Variants in ELAPOR2 observed in about 807,000 individuals in gnomAD.
ELAPOR2 encodes endosome/lysosome-associated apoptosis and autophagy regulator family member 2.
In ELAPOR2, 89 loss-of-function variants were observed where a neutral mutation model predicts 120.7. That is an observed-to-expected ratio of 0.74 (90% CI 0.62 to 0.88). The LOEUF (loss-of-function observed/expected upper bound fraction) is 0.88. Among genes scored for constraint, ELAPOR2 ranks in the 40% least tolerant of loss-of-function variants. The pLI is 0.00. For synonymous variants in ELAPOR2, 444 were observed against 444.9 expected (o/e 1.00, Z 0.03); for missense variants, 1,134 against 1,251.6 (o/e 0.91, Z 1.42).
At chr7:87,048,923 T>A (rs1316902582) in intron 1 of ELAPOR2, among the ~76,000 whole-genome samples, 2 of 152,208 alleles carry the variant, frequency 1.3e-5, no homozygotes, top group African/African-American at 4.8e-5. Flanking sequence ...ATCATCTCAA[T>A]TAATTAAAAA....
Position 86,933,549 on chromosome 7 carries a change from TGCCATGACAATG to T in ELAPOR2, c.1089+4565_1089+4576del, listed in dbSNP as rs529712461. ...CCATACTAAGTGGCACTCCCACCAG[TGCCATGACAATG>T]GCCATGACAATGGCCCAAAGAAGCC... On this transcript the variant is annotated intron_variant, in intron 8 of 21. Transcript: ENST00000450689. Among the ~76,000 whole-genome samples the T allele has an allele frequency of 2.2e-4, 33 of 152,012 alleles. No homozygotes were observed. In the East Asian group the frequency reaches 2.5e-3, roughly 12 times the overall value.
intron 1 of ELAPOR2, among the ~76,000 whole-genome samples, chr7:87,047,680 G>A (rs1025738690): frequency 5.7e-4 from 87 of 152,126 alleles, no homozygotes; most frequent in African/African-American, 2.0e-3. Context: ...AACAAATGCT[G>A]GTGAGAATGT....
At chr7:86,946,588 T>C (rs182097190) in intron 3 of ELAPOR2, among the ~76,000 whole-genome samples, 1 of 152,106 alleles carries the variant, frequency 6.6e-6, no homozygotes, top group African/African-American at 2.4e-5. Context: ...GGTTTCTCCA[T>C]GTTGGTCAGG....
At chr7:86,983,837 T>A (rs1792604986) in intron 1 of ELAPOR2, among the ~76,000 whole-genome samples, 1 of 152,108 alleles carries the variant, frequency 6.6e-6, no homozygotes, top group Admixed American at 6.5e-5. Flanking sequence ...CACACAACAA[T>A]ATTAACCTTA....
intron 19 of ELAPOR2, among the ~76,000 whole-genome samples, chr7:86,895,195 T>A (rs181132753): frequency 2.6e-5 from 4 of 152,192 alleles, no homozygotes; most frequent in Admixed American, 2.0e-4. Flanking sequence ...TCCAAAGAAA[T>A]CCACATATAT....
chr7:86,985,120 C>T (rs1008448807), intron 1 of ELAPOR2, among the ~76,000 whole-genome samples: 3 of 152,082 alleles, frequency 2.0e-5, no homozygotes, highest in African/African-American at 7.2e-5. Context: ...ACACACCCTC[C>T]CAAGACAAAA....
rs529617245 is a variant in ELAPOR2, at chr7:86,929,958, C to T, written c.1090-3042G>A. On this transcript the variant is annotated intron_variant, in intron 8 of 21. Transcript: ENST00000450689. ...AAGTTTCCTGAGGTCTTCTCAGCCA[C>T]GTTTCCTGTACAGCCTACAGAATCG... Among the ~76,000 whole-genome samples, 88 of 152,050 alleles carry T rather than the reference C, an allele frequency of 5.8e-4. No individual in the cohort carries two copies. The South Asian group carries it at 0.016, about 28-fold the overall frequency.
At chr7:87,046,210 C>T (rs1276876573) in intron 1 of ELAPOR2, among the ~76,000 whole-genome samples, 1 of 151,960 alleles carries the variant, frequency 6.6e-6, no homozygotes, top group African/African-American at 2.4e-5. Flanking sequence ...TTTACAATAG[C>T]CATGAATAAA....
chr7:86,985,563 CA>C (rs1331804926), intron 1 of ELAPOR2, among the ~76,000 whole-genome samples: 1 of 152,190 alleles, frequency 6.6e-6, no homozygotes, highest in Non-Finnish European at 1.5e-5. Flanking sequence ...TGTAATCCAT[CA>C]CATAAACAGA....
At chr7:86,978,280 T>C (rs1230486732) in intron 1 of ELAPOR2, among the ~76,000 whole-genome samples, 1 of 152,240 alleles carries the variant, frequency 6.6e-6, no homozygotes, top group African/African-American at 2.4e-5. Flanking sequence ...CATGTGGAAC[T>C]GTGAATCAAT....
intron 1 of ELAPOR2, among the ~76,000 whole-genome samples, chr7:86,992,514 A>G (rs1388214688): frequency 6.6e-6 from 1 of 152,260 alleles, no homozygotes; most frequent in Non-Finnish European, 1.5e-5. Flanking sequence ...AGAAATTCCT[A>G]AAACTGAGTT....
At chr7:86,949,557 G>GC in intron 2 of ELAPOR2, among the ~76,000 whole-genome samples, 1 of 152,278 alleles carries the variant, frequency 6.6e-6, no homozygotes, top group East Asian at 1.9e-4. Flanking sequence ...CACAGCTGCA[G>GC]CTACCCAAGC....
chr7:86,880,599 C>T lies in ELAPOR2; in HGVS notation c.3031-69G>A, dbSNP rs74376718. 1,858 of 975,772 alleles carry T rather than the reference C, an allele frequency of 1.9e-3. 32 individuals are homozygous for T. The African/African-American group carries it at 0.028, about 15-fold the overall frequency. The allele number at this position is 975,772 out of a possible 1,614,324, so 60.4% of individuals were successfully genotyped here. A position where few individuals can be genotyped will look rare whatever the true frequency, so the allele number is the denominator to read the frequency against. On this transcript the variant is annotated intron_variant, in intron 21 of 21. Coordinates refer to ENST00000450689, the MANE Select transcript of ELAPOR2 (RefSeq NM_001142749.3). ...CGTAAGATTTTAGGATCTTACATGT[C>T]CAGAAGGAAAGTTCCAGAAATCATT...
chr7:86,997,448 G>A (rs1054777579), intron 1 of ELAPOR2, among the ~76,000 whole-genome samples: 1 of 152,076 alleles, frequency 6.6e-6, no homozygotes, highest in African/African-American at 2.4e-5. Flanking sequence ...GACCTAAAGA[G>A]CCCCAGGAAC....
At chr7:86,898,355 A>T (rs1210985870) in intron 18 of ELAPOR2, among the ~76,000 whole-genome samples, 1 of 152,154 alleles carries the variant, frequency 6.6e-6, no homozygotes, top group African/African-American at 2.4e-5. Flanking sequence ...GGACTAGGGC[A>T]TAGGGGACTG....
intron 1 of ELAPOR2, among the ~76,000 whole-genome samples, chr7:86,991,143 G>A (rs1792931823): frequency 6.6e-6 from 1 of 152,148 alleles, no homozygotes; most frequent in Non-Finnish European, 1.5e-5. Flanking sequence ...GAGCACTACA[G>A]GTAAGATACA....
At chr7:86,934,843 G>A (rs762114387) in intron 8 of ELAPOR2, among the ~76,000 whole-genome samples, 10 of 151,596 alleles carry the variant, frequency 6.6e-5, no homozygotes, top group East Asian at 1.9e-4. Context: ...TTCCTTCCTC[G>A]CCTCCAGACC....
chr7:86,976,656 G>A (rs1332430672), intron 1 of ELAPOR2, among the ~76,000 whole-genome samples: 1 of 152,062 alleles, frequency 6.6e-6, no homozygotes, highest in African/African-American at 2.4e-5. Flanking sequence ...AAAAACATGT[G>A]GTCTGAACCT....
intron 1 of ELAPOR2, among the ~76,000 whole-genome samples, chr7:87,018,302 G>A (rs1793933167): frequency 6.6e-6 from 1 of 152,026 alleles, no homozygotes; most frequent in South Asian, 2.1e-4. Flanking sequence ...TCATCCCAAA[G>A]TGCTGTGATT....
Sources: gnomAD v4.1 joint callset for allele counts (sites outside exome capture counted in the v4.1 genomes callset) on GRCh38, gnomAD v4.1.1 for gene constraint, MANE v1.5 for transcripts, NCBI Gene and HGNC (gene_info 2026-07-23, HGNC 2026-07-21) for gene names.